Variants in IMPA2 observed in about 807,000 individuals in gnomAD.
IMPA2 encodes the protein inositol monophosphatase 2.
In IMPA2, 32 loss-of-function variants were observed where a neutral mutation model predicts 35.1. The observed-to-expected ratio is 0.91, with a 90% CI of 0.69 to 1.23. The LOEUF is 1.23. Ranked by LOEUF, IMPA2 falls within the 50% of genes most tolerant of loss-of-function variation. The pLI, the probability that IMPA2 is intolerant of heterozygous loss-of-function variation, is 0.00. For synonymous variants in IMPA2, 135 were observed against 160.6 expected (o/e 0.84, Z 1.20); for missense variants, 334 against 387.6 (o/e 0.86, Z 1.16).
At chr18:12,002,144 A>C (rs1439274428) in intron 2 of IMPA2, among the ~76,000 whole-genome samples, 1 of 152,200 alleles carries the variant, frequency 6.6e-6, no homozygotes, top group African/African-American at 2.4e-5. Flanking sequence ...AAAGTTGATA[A>C]ATTTGTGATG....
chr18:12,029,504 C>CA (rs1477897161), intron 7 of IMPA2, among the ~76,000 whole-genome samples: 1 of 151,840 alleles, frequency 6.6e-6, no homozygotes, highest in African/African-American at 2.4e-5. Context: ...TCACTGCAAC[C>CA]TCCGCCTTCC....
At chr18:12,022,662 A>G (rs1004243336) in intron 5 of IMPA2, among the ~76,000 whole-genome samples, 1 of 150,954 alleles carries the variant, frequency 6.6e-6, no homozygotes, top group Non-Finnish European at 1.5e-5. Flanking sequence ...AGAAATAATC[A>G]TAAGATAATA....
intron 2 of IMPA2, 69 bp downstream of exon 2, chr18:11,999,256 CG>C: frequency 6.7e-7 from 1 of 1,487,708 alleles, no homozygotes; most frequent in East Asian, 2.4e-5. Flanking sequence ...CAGGGTCTGC[CG>C]GGGTCAGGGG....
intron 5 of IMPA2, among the ~76,000 whole-genome samples, chr18:12,025,753 T>C (rs1322634216): frequency 1.3e-5 from 2 of 152,158 alleles, no homozygotes; most frequent in African/African-American, 4.8e-5. Flanking sequence ...CTAATTTTTG[T>C]ATTTTTAATA....
At chr18:12,017,947 T>G (rs1480018096) in intron 5 of IMPA2, 2 of 37,196 alleles carry the variant, frequency 5.4e-5, no homozygotes, top group Non-Finnish European at 1.3e-4. Context: ...TTTTTTCTGT[T>G]TTTTTTTTTC....
chr18:12,007,631 CT>C lies in IMPA2; in HGVS notation c.231-2249del, dbSNP rs1314801924. ...CTTTCTTTCTTTCTTTTTCTTTCTT[CT>C]TTCTTTCTTTCTTTCTTTCTTTCTT... On this transcript the variant is annotated intron_variant, in intron 2 of 7. Coordinates refer to ENST00000269159, the MANE Select transcript of IMPA2 (RefSeq NM_014214.3). 8.3e-3 allele frequency among the ~76,000 whole-genome samples: 236 copies of C among 28,558 alleles called. 2 individuals carry two copies. Among genetic ancestry groups the C allele is most frequent in the African/African-American group, 0.02 (209 of 10,376 alleles). The allele number at this position is 28,558 out of a possible 152,430, so 18.7% of individuals were successfully genotyped here.
intron 5 of IMPA2, among the ~76,000 whole-genome samples, chr18:12,023,316 G>A (rs1284251962): frequency 1.3e-5 from 2 of 152,054 alleles, no homozygotes; most frequent in Non-Finnish European, 2.9e-5. Flanking sequence ...AGCTCATGTC[G>A]CTTCTCCAAG....
At chr18:12,008,146 C>T (rs901801042) in intron 2 of IMPA2, among the ~76,000 whole-genome samples, 9 of 152,152 alleles carry the variant, frequency 5.9e-5, no homozygotes, top group Non-Finnish European at 1.2e-4. Flanking sequence ...CAGGCGCCCA[C>T]CACCACGCCC....
chr18:11,999,053 G>A lies in IMPA2; in HGVS notation c.97-1G>A, dbSNP rs781208697. On this transcript the variant is annotated splice_acceptor_variant, in intron 1 of 7. Transcript: ENST00000269159. LOFTEE classifies it high-confidence loss of function. ...ACCCAAATCCCGTACTTTTATTTCA[G>A]ATCATCAGAAAAGCCCTTACTGAGG... 6.2e-7 allele frequency: 1 copy of A among 1,610,506 alleles called. No homozygotes were observed. The highest frequency in any genetic ancestry group is 2.2e-5 in the East Asian group (1 of 44,494).
chr18:12,030,203 T>G, intron 7 of IMPA2, 140 bp from the exon 8 acceptor site: 1 of 656,034 alleles, frequency 1.5e-6, no homozygotes, highest in Middle Eastern at 2.5e-4. Flanking sequence ...CTAGACCACC[T>G]GTTTAATACG....
rs186113506 is a variant in IMPA2, at chr18:12,018,660, T to A, written c.490+4287T>A. 2.9e-3 allele frequency among the ~76,000 whole-genome samples: 441 copies of A among 152,348 alleles called. 2 individuals are homozygous for A. Among genetic ancestry groups the A allele is most frequent in the African/African-American group, 0.01 (424 of 41,590 alleles). ...TTTTAACGTGAATAATATATTTTTATGGGAACTAATCATATTTTCCAAAAT... is the reference window on the plus strand; with the variant it reads ...TTTTAACGTGAATAATATATTTTTAAGGGAACTAATCATATTTTCCAAAAT... On this transcript the variant is annotated intron_variant, in intron 5 of 7. Transcript: ENST00000269159.
At chr18:12,011,882 G>T (rs1907442836) in intron 3 of IMPA2, among the ~76,000 whole-genome samples, 1 of 152,254 alleles carries the variant, frequency 6.6e-6, no homozygotes, top group African/African-American at 2.4e-5. Context: ...GAAAACAGAT[G>T]ATTGAGATCC....
At chr18:12,022,852 G>A (rs1907771608) in intron 5 of IMPA2, among the ~76,000 whole-genome samples, 1 of 149,028 alleles carries the variant, frequency 6.7e-6, no homozygotes. Context: ...TTGGCTCACT[G>A]CAACCTCTGC....
At chr18:12,024,541 A>G (rs906526367) in intron 5 of IMPA2, among the ~76,000 whole-genome samples, 2 of 152,188 alleles carry the variant, frequency 1.3e-5, no homozygotes, top group Non-Finnish European at 2.9e-5. Flanking sequence ...AGATGAGTAC[A>G]TTAGAAATAG....
intron 1 of IMPA2, among the ~76,000 whole-genome samples, chr18:11,992,972 A>G (rs606478): frequency 0.39 from 58,899 of 152,076 alleles, 13,068 homozygotes; most frequent in East Asian, 0.61. Flanking sequence ...TTAGCATCCT[A>G]TTTGCAACGT....
intron 6 of IMPA2, 175 bp from the exon 7 acceptor site, chr18:12,028,667 C>G (rs1380846029): frequency 3.9e-5 from 28 of 719,666 alleles, no homozygotes; most frequent in African/African-American, 7.1e-5. Flanking sequence ...TGGCGGAGGC[C>G]TGTTGGTTGG....
At chr18:11,989,334 CGGT>C (rs1432675648) in intron 1 of IMPA2, among the ~76,000 whole-genome samples, 5 of 152,216 alleles carry the variant, frequency 3.3e-5, no homozygotes, top group Non-Finnish European at 7.3e-5. Context: ...GGAGAGGAGG[CGGT>C]GGTGATGGCC....
At chr18:12,025,269 A>G (rs1050402178) in intron 5 of IMPA2, among the ~76,000 whole-genome samples, 1 of 152,128 alleles carries the variant, frequency 6.6e-6, no homozygotes, top group African/African-American at 2.4e-5. Context: ...TTATTTATTC[A>G]CCTACTAAAG....
intron 6 of IMPA2, 171 bp from the exon 7 acceptor site, chr18:12,028,671 T>A: frequency 1.4e-6 from 1 of 738,166 alleles, no homozygotes; most frequent in Non-Finnish European, 2.2e-6. Flanking sequence ...GGAGGCCTGT[T>A]GGTTGGTGGC....
Sources: gnomAD v4.1 joint callset for allele counts (sites outside exome capture counted in the v4.1 genomes callset) on GRCh38, gnomAD v4.1.1 for gene constraint, MANE v1.5 for transcripts, NCBI Gene and HGNC (gene_info 2026-07-23, HGNC 2026-07-21) for gene names.